The following ENOX1 variants were observed in gnomAD, a reference collection of about 807,000 sequenced individuals.
The protein encoded by ENOX1 is ecto-NOX disulfide-thiol exchanger 1.
ENOX1 carries 42 observed loss-of-function variants against 82.5 expected under a neutral mutation model. The ratio of observed to expected loss-of-function variants is 0.51; its 90% CI spans 0.40 to 0.66. The LOEUF is 0.66. Ranked by LOEUF, ENOX1 falls within the 30% of genes least tolerant of loss-of-function variation. The pLI, the probability that ENOX1 is intolerant of heterozygous loss-of-function variation, is 0.00. For synonymous variants in ENOX1, 271 were observed against 282.2 expected, an observed-to-expected ratio of 0.96 and a Z score of 0.40; for missense variants, 608 against 811.6, an observed-to-expected ratio of 0.75 and a Z score of 3.05.
At chr13:43,222,401 A>G (rs2041838405) in intron 16 of ENOX1, among the ~76,000 whole-genome samples, 1 of 151,614 alleles carries the variant, frequency 6.6e-6, no homozygotes, top group Admixed American at 6.6e-5. Context: ...ACACACACAC[A>G]CACGCAGGCA....
At chr13:43,754,250 CAT>C (rs1181864917) in intron 1 of ENOX1, among the ~76,000 whole-genome samples, 1 of 144,366 alleles carries the variant, frequency 6.9e-6, no homozygotes, top group Non-Finnish European at 1.5e-5. Context: ...TATATATACA[CAT>C]ATATACATAT....
chr13:43,534,015 G>C (rs1312949826), intron 2 of ENOX1, among the ~76,000 whole-genome samples: 2 of 152,082 alleles, frequency 1.3e-5, no homozygotes, highest in East Asian at 3.8e-4. Flanking sequence ...ATGAGTGTGG[G>C]AATCTTTATT....
chr13:43,586,671 A>G (rs2081001015), intron 2 of ENOX1, among the ~76,000 whole-genome samples: 1 of 152,162 alleles, frequency 6.6e-6, no homozygotes, highest in Non-Finnish European at 1.5e-5. Flanking sequence ...CTTTCAGCTC[A>G]TATTTGGCTT....
intron 5 of ENOX1, among the ~76,000 whole-genome samples, chr13:43,408,636 T>C (rs1246847030): frequency 6.6e-6 from 1 of 151,732 alleles, no homozygotes. Flanking sequence ...AAAAGAAACA[T>C]AGTGCTGCAC....
At chr13:43,417,248 A>AC (rs150224931) in intron 3 of ENOX1, among the ~76,000 whole-genome samples, 153 of 94,928 alleles carry the variant, frequency 1.6e-3, no homozygotes, top group East Asian at 5.1e-3. Context: ...GAGACGGGAG[A>AC]GGGAGAGGGA....
chr13:43,616,192 A>C (rs1349161020), intron 2 of ENOX1, among the ~76,000 whole-genome samples: 1 of 15,324 alleles, frequency 6.5e-5, no homozygotes, highest in African/African-American at 8.2e-5. Context: ...CTATCTATAT[A>C]TATATATATA....
intron 3 of ENOX1, among the ~76,000 whole-genome samples, chr13:43,467,548 T>C (rs565240086): frequency 6.6e-6 from 1 of 152,228 alleles, no homozygotes; most frequent in Admixed American, 6.5e-5. Context: ...TTTCTTTATA[T>C]ATCTGGTATA....
intron 2 of ENOX1, among the ~76,000 whole-genome samples, chr13:43,595,244 T>C (rs1052895594): frequency 6.6e-6 from 1 of 151,760 alleles, no homozygotes; most frequent in Non-Finnish European, 1.5e-5. Flanking sequence ...TAGAAGTTTG[T>C]AGAGTAATAG....
At chr13:43,334,764 C>A (rs1017630527) in intron 9 of ENOX1, among the ~76,000 whole-genome samples, 1 of 152,136 alleles carries the variant, frequency 6.6e-6, no homozygotes, top group African/African-American at 2.4e-5. Flanking sequence ...CAGGCTGGAA[C>A]CAATTTCTCT....
intron 2 of ENOX1, among the ~76,000 whole-genome samples, chr13:43,511,260 T>C (rs4267211): frequency 0.21 from 31,407 of 152,076 alleles, 3,962 homozygotes; most frequent in African/African-American, 0.35. Context: ...TAAAAGTTAC[T>C]TGGACATGAC....
intron 2 of ENOX1, among the ~76,000 whole-genome samples, chr13:43,567,316 CCT>C (rs1343327724): frequency 6.6e-6 from 1 of 151,846 alleles, no homozygotes; most frequent in Non-Finnish European, 1.5e-5. Context: ...GTGCTTTTTC[CCT>C]GTCAGTATTT....
intron 1 of ENOX1, among the ~76,000 whole-genome samples, chr13:43,771,449 G>A (rs1386441795): frequency 6.6e-6 from 1 of 152,000 alleles, no homozygotes; most frequent in Non-Finnish European, 1.5e-5. Context: ...TAGAAGACTA[G>A]ATGTTCTCTG....
chr13:43,451,423 A>G (rs558259326), intron 3 of ENOX1, among the ~76,000 whole-genome samples: 1 of 152,204 alleles, frequency 6.6e-6, no homozygotes, highest in Non-Finnish European at 1.5e-5. Context: ...GGAAAATGAA[A>G]AGTCTGTTGG....
intron 3 of ENOX1, among the ~76,000 whole-genome samples, chr13:43,434,937 G>GTTTTTTTT (rs537775258): frequency 9.5e-4 from 72 of 75,784 alleles, no homozygotes; most frequent in Non-Finnish European, 1.2e-3. Flanking sequence ...TGTGTGTGTG[G>GTTTTTTTT]TTTTTTTTTT....
chr13:43,412,128 A>G (rs1376788297), intron 4 of ENOX1, 75 bp from the exon 5 acceptor site: 3 of 1,544,402 alleles, frequency 1.9e-6, no homozygotes, highest in Non-Finnish European at 2.7e-6. Context: ...ACATTTCTAG[A>G]TATGTGAGGC....
intron 1 of ENOX1, among the ~76,000 whole-genome samples, chr13:43,679,405 C>T (rs1213437731): frequency 6.6e-6 from 1 of 152,132 alleles, no homozygotes; most frequent in Non-Finnish European, 1.5e-5. Context: ...CACACACACA[C>T]GTTTTGGTAA....
intron 2 of ENOX1, among the ~76,000 whole-genome samples, chr13:43,534,312 G>T (rs1004377011): frequency 2.8e-4 from 43 of 152,090 alleles, no homozygotes; most frequent in African/African-American, 8.7e-4. Context: ...GGCAACTGCT[G>T]AGTTAAAATT....
chr13:43,541,119 C>T (rs1018730846), intron 2 of ENOX1, among the ~76,000 whole-genome samples: 7 of 147,174 alleles, frequency 4.8e-5, no homozygotes, highest in South Asian at 2.2e-4. Flanking sequence ...ATATCACAAG[C>T]TTATGAAAAC....
intron 1 of ENOX1, among the ~76,000 whole-genome samples, chr13:43,767,336 TGAC>T (rs33986214): frequency 0.38 from 57,745 of 151,792 alleles, 13,868 homozygotes; most frequent in Non-Finnish European, 0.55. Context: ...CACTGTTCAA[TGAC>T]ATTTTTAGTT....
Sources: allele counts gnomAD v4.1 joint callset (sites outside exome capture counted in the v4.1 genomes callset), GRCh38; gene constraint gnomAD v4.1.1; transcripts MANE v1.5; gene names NCBI Gene and HGNC (gene_info 2026-07-23, HGNC 2026-07-21).